UTRN: variants seen among roughly 807,000 people sequenced by gnomAD.
UTRN encodes the protein dystrophin-related protein 1.
A neutral mutation model predicts 463.9 loss-of-function variants in UTRN; 283 were observed. That is an observed-to-expected ratio of 0.61 (90% CI 0.55 to 0.67). The LOEUF (loss-of-function observed/expected upper bound fraction) is 0.67, where lower values mean the gene tolerates loss of function less well. UTRN is among the 30% of genes least tolerant of loss of function. The pLI, the probability that UTRN is intolerant of heterozygous loss-of-function variation, is 0.00. For missense variants in UTRN, 3,922 were observed against 4,084.3 expected (o/e 0.96, Z 1.08); for synonymous variants, 1,442 against 1,431.5 (o/e 1.01, Z -0.17).
intron 34 of UTRN, among the ~76,000 whole-genome samples, chr6:144,507,454 T>C (rs1794781459): frequency 1.3e-5 from 2 of 152,138 alleles, no homozygotes; most frequent in South Asian, 4.1e-4. Context: ...GGTTTTTGCA[T>C]GGTCCTTCTT....
chr6:144,798,602 T>G (rs990115553), intron 64 of UTRN, among the ~76,000 whole-genome samples: 1 of 152,196 alleles, frequency 6.6e-6, no homozygotes. Flanking sequence ...CCTCTTAACA[T>G]AGGTATGCAT....
Position 144,732,251 on chromosome 6 carries a change from TATATATACAC to T in UTRN, c.7939+1767_7939+1776del, listed in dbSNP as rs1350384195. On this transcript the variant is annotated intron_variant, in intron 54 of 74. Coordinates refer to ENST00000367545, the MANE Select transcript of UTRN (RefSeq NM_007124.3). ...ATATATATATATACATATATATATA[TATATATACAC>T]ACATATATATATATATACACACATA... Among the ~76,000 whole-genome samples the T allele has an allele frequency of 3.4e-3, 390 of 115,954 alleles. 3 individuals are homozygous for T. The highest frequency in any genetic ancestry group is 3.7e-3 in the Admixed American group (40 of 10,866). 76.1% of individuals were successfully genotyped at this position (115,954 alleles called of 152,430 possible).
chr6:144,827,660 GAAC>G lies in UTRN; in HGVS notation c.9586_9588del (p.Gln3196del). 6.2e-7 allele frequency: 1 copy of G among 1,613,482 alleles called. No individual in the cohort carries two copies. Among genetic ancestry groups the G allele is most frequent in the Non-Finnish European group, 8.5e-7 (1 of 1,179,688 alleles). On this transcript the variant is annotated inframe_deletion, in exon 68 of 75. Transcript: ENST00000367545. ...TCATGATGACACCCATTCAAGAATA[GAAC>G]AATATGCCACACGGTAAGAAACTTT... is the stretch of plus-strand genomic sequence containing the variant.
At chr6:144,589,192 T>A (rs1359467830) in intron 51 of UTRN, among the ~76,000 whole-genome samples, 1 of 152,182 alleles carries the variant, frequency 6.6e-6, no homozygotes, top group Non-Finnish European at 1.5e-5. Flanking sequence ...AACTATTTTG[T>A]TTTTATTTTA....
At chr6:144,348,515 T>G (rs1777799939) in intron 2 of UTRN, among the ~76,000 whole-genome samples, 1 of 152,214 alleles carries the variant, frequency 6.6e-6, no homozygotes, top group Admixed American at 6.5e-5. Flanking sequence ...GTGAATTTTT[T>G]GCAGATCTTA....
At chr6:144,506,062 A>T (rs1037534009) in intron 34 of UTRN, among the ~76,000 whole-genome samples, 1 of 148,666 alleles carries the variant, frequency 6.7e-6, no homozygotes, top group Admixed American at 6.7e-5. Context: ...TTTATCAGAG[A>T]CTAGGATTGC....
At chr6:144,544,786 C>T (rs969204718) in intron 46 of UTRN, among the ~76,000 whole-genome samples, 1 of 152,072 alleles carries the variant, frequency 6.6e-6, no homozygotes, top group African/African-American at 2.4e-5. Flanking sequence ...ACACTTCCTT[C>T]CTATTCAGTG....
intron 51 of UTRN, among the ~76,000 whole-genome samples, chr6:144,674,704 A>G (rs1781419827): frequency 6.6e-6 from 1 of 152,046 alleles, no homozygotes; most frequent in African/African-American, 2.4e-5. Flanking sequence ...CCACAGGTGT[A>G]TTCCACCATT....
At chr6:144,841,707 T>C (rs1781589951) in intron 73 of UTRN, among the ~76,000 whole-genome samples, 1 of 152,212 alleles carries the variant, frequency 6.6e-6, no homozygotes, top group Non-Finnish European at 1.5e-5. Context: ...TTATTTGTAA[T>C]TTTAGAGAGA....
intron 52 of UTRN, among the ~76,000 whole-genome samples, chr6:144,694,018 G>A (rs1418379311): frequency 6.6e-6 from 1 of 152,100 alleles, no homozygotes; most frequent in African/African-American, 2.4e-5. Flanking sequence ...TATGTTGTTG[G>A]CTGTGGGGTG....
At chr6:144,476,952 T>C (rs765291659) in intron 25 of UTRN, among the ~76,000 whole-genome samples, 1 of 152,100 alleles carries the variant, frequency 6.6e-6, no homozygotes, top group African/African-American at 2.4e-5. Context: ...TTATTTTTAA[T>C]AATGAGAGAT....
Position 144,331,001 on chromosome 6 carries a change from GCAGA to G in UTRN, c.79+39098_79+39101del, listed in dbSNP as rs1776295994. On this transcript the variant is annotated intron_variant, in intron 2 of 74. Transcript: ENST00000367545. ...AGATCTGAATCCACAAACGGAGACG[GCAGA>G]CAGTCACAGGCAGGTAAAGACTCAT... 3.0e-6 allele frequency: 3 copies of G among 985,238 alleles called. No individual in the cohort carries two copies. The South Asian group carries it at 1.4e-4, about 46-fold the overall frequency. 61.0% of individuals were successfully genotyped at this position (985,238 alleles called of 1,614,324 possible).
chr6:144,346,154 G>A (rs1312861102), intron 2 of UTRN, among the ~76,000 whole-genome samples: 4 of 150,240 alleles, frequency 2.7e-5, no homozygotes, highest in Non-Finnish European at 5.9e-5. Flanking sequence ...CTCCAGCCTG[G>A]GTGAAAGAGC....
At chr6:144,687,796 T>G (rs1187904365) in intron 52 of UTRN, among the ~76,000 whole-genome samples, 11 of 152,200 alleles carry the variant, frequency 7.2e-5, no homozygotes, top group Admixed American at 7.2e-4. Flanking sequence ...TCCTGCATGT[T>G]GACATTAGAT....
chr6:144,304,691 G>A (rs1805557613), intron 2 of UTRN, among the ~76,000 whole-genome samples: 1 of 152,082 alleles, frequency 6.6e-6, no homozygotes, highest in African/African-American at 2.4e-5. Context: ...TTTTCAATAT[G>A]GCTAAAGCAG....
intron 45 of UTRN, 128 bp downstream of exon 45, chr6:144,539,571 G>A: frequency 1.1e-6 from 1 of 940,490 alleles, no homozygotes; most frequent in Non-Finnish European, 1.5e-6. Flanking sequence ...GCTTACTAAT[G>A]TTTATATTTT....
At chr6:144,451,842 T>C (rs1788351706) in intron 18 of UTRN, among the ~76,000 whole-genome samples, 1 of 152,236 alleles carries the variant, frequency 6.6e-6, no homozygotes, top group South Asian at 2.1e-4. Context: ...ATGCTGAAGA[T>C]GTTTTGCCTT....
In UTRN at chr6:144,782,341, G is replaced by T. The variant is rs6915047; in HGVS notation, c.8834+218G>T. 0.59 allele frequency among the ~76,000 whole-genome samples: 90,333 copies of T among 151,960 alleles called. 30,889 individuals are homozygous for T. The highest frequency in any genetic ancestry group is 0.95 in the East Asian group (4,918 of 5,168). On this transcript the variant is annotated intron_variant, in intron 61 of 74. Transcript: ENST00000367545. ...GAATGTACATCTTTCATTTTAAAAT[G>T]TTGCTTCAATTTACAAAGACTGTCA...
chr6:144,755,506 C>T (rs1791893565), intron 57 of UTRN, among the ~76,000 whole-genome samples: 1 of 152,144 alleles, frequency 6.6e-6, no homozygotes, highest in South Asian at 2.1e-4. Flanking sequence ...CTGTGAATTT[C>T]TGAAGGTTGA....
Sources: allele counts gnomAD v4.1 joint callset (sites outside exome capture counted in the v4.1 genomes callset), GRCh38; gene constraint gnomAD v4.1.1; transcripts MANE v1.5; gene names NCBI Gene and HGNC (gene_info 2026-07-23, HGNC 2026-07-21).